Variants in FAM222B observed in about 807,000 individuals in gnomAD.
FAM222B encodes the protein protein FAM222B.
Under a neutral mutation model 38.0 loss-of-function variants are expected in FAM222B, and 12 were observed. The observed-to-expected ratio is 0.32, with a 90% CI of 0.20 to 0.51. The LOEUF (loss-of-function observed/expected upper bound fraction) is 0.51, where lower values mean the gene tolerates loss of function less well. Among genes scored for constraint, FAM222B ranks in the 20% least tolerant of loss-of-function variants. FAM222B has a pLI of 0.97. For synonymous variants in FAM222B, 329 were observed against 317.2 expected (o/e 1.04, Z -0.40); for missense variants, 716 against 754.2 (o/e 0.95, Z 0.59).
At chr17:28,798,478 C>A (rs140927278) in intron 1 of FAM222B, among the ~76,000 whole-genome samples, 23 of 152,270 alleles carry the variant, frequency 1.5e-4, no homozygotes, top group Non-Finnish European at 2.2e-4. Flanking sequence ...TCAGAGCAAT[C>A]CTCACTAAGA....
rs772351853 is a variant in FAM222B at position 28,759,611 on chromosome 17, A to G, written c.348T>C (p.Phe116=). The part of the protein sequence containing the change: ...KVPAKSILKD[F]DGTRARLLPE... ...GGAGCAACCGGGCTCGGGTGCCGTC[A>G]AAGTCCTTGAGTATGCTTTTGGCTG... is the stretch of plus-strand genomic sequence containing the variant. The change falls in exon 3 of 3, where the codon TTT becomes TTC. Residue 116 remains phenylalanine (F), a synonymous_variant. Transcript: ENST00000581407. This position sits in a 1 kb window ranked among gnomAD's most constrained non-coding sequence, Gnocchi z 4.8. 13 of 1,612,934 alleles carry G rather than the reference A, an allele frequency of 8.1e-6. No homozygotes were observed. The highest frequency in any genetic ancestry group is 1.1e-5 in the Non-Finnish European group (13 of 1,179,500).
At chr17:28,827,707 A>G (rs2038492841) in intron 1 of FAM222B, among the ~76,000 whole-genome samples, 1 of 152,190 alleles carries the variant, frequency 6.6e-6, no homozygotes, top group South Asian at 2.1e-4. Context: ...TTTGGAAGAA[A>G]TGTCCTTGGA....
At chr17:28,807,448 C>G (rs907394739) in intron 1 of FAM222B, among the ~76,000 whole-genome samples, 1 of 152,116 alleles carries the variant, frequency 6.6e-6, no homozygotes, top group African/African-American at 2.4e-5. Context: ...TGCAGTCCAA[C>G]GATCTCAGCT....
chr17:28,811,178 C>T (rs898208106), intron 1 of FAM222B, among the ~76,000 whole-genome samples: 1 of 152,194 alleles, frequency 6.6e-6, no homozygotes, highest in Non-Finnish European at 1.5e-5. Flanking sequence ...CGGTGGCTCA[C>T]GCCTGTAATC....
At chr17:28,820,123 G>A (rs1052285943) in intron 1 of FAM222B, among the ~76,000 whole-genome samples, 2 of 152,066 alleles carry the variant, frequency 1.3e-5, no homozygotes, top group Non-Finnish European at 1.5e-5. Context: ...CAATATATAC[G>A]ATCCCAGGTG....
intron 1 of FAM222B, among the ~76,000 whole-genome samples, chr17:28,769,323 C>T (rs997402700): frequency 3.3e-5 from 5 of 151,876 alleles, no homozygotes; most frequent in African/African-American, 1.2e-4. Context: ...GGACTACAGG[C>T]GCCTGCCACC....
At chr17:28,811,409 C>T (rs1267441072) in intron 1 of FAM222B, among the ~76,000 whole-genome samples, 2 of 152,164 alleles carry the variant, frequency 1.3e-5, no homozygotes, top group African/African-American at 4.8e-5. Context: ...CACTGCACTC[C>T]AGCCTGGGCA....
At chr17:28,830,161 C>CTT (rs58480451) in intron 1 of FAM222B, among the ~76,000 whole-genome samples, 10 of 101,500 alleles carry the variant, frequency 9.9e-5, no homozygotes, top group Middle Eastern at 5.5e-3. Flanking sequence ...TTTATACATT[C>CTT]TTTTTTTTTT....
At chr17:28,787,849 G>A (rs1597917649) in intron 1 of FAM222B, among the ~76,000 whole-genome samples, 1 of 86,030 alleles carries the variant, frequency 1.2e-5, no homozygotes, top group African/African-American at 5.7e-5. Context: ...TTTTTGAGAC[G>A]GAGTTTCGCT....
At chr17:28,811,103 T>A (rs1310586185) in intron 1 of FAM222B, among the ~76,000 whole-genome samples, 1 of 152,182 alleles carries the variant, frequency 6.6e-6, no homozygotes, top group Non-Finnish European at 1.5e-5. Context: ...AGCTCTTTGC[T>A]AATCAACATT....
chr17:28,759,592 A>G lies in FAM222B; in HGVS notation c.367T>C (p.Leu123=). 6.2e-7 allele frequency: 1 copy of G among 1,612,468 alleles called. No homozygotes were observed. The highest frequency in any genetic ancestry group is 8.5e-7 in the Non-Finnish European group (1 of 1,179,298). ...LKDFDGTRAR[L]LPEAIMNPPV... ...GGGTTCATGATGGCCTCAGGGAGCA[A>G]CCGGGCTCGGGTGCCGTCAAAGTCC... The change falls in exon 3 of 3, where the codon TTG becomes CTG. Residue 123 remains leucine, a synonymous_variant. Coordinates refer to ENST00000581407, the MANE Select transcript of FAM222B (RefSeq NM_001077498.3). The surrounding 1 kb of genome is among the most constrained non-coding windows in gnomAD (Gnocchi z 4.8).
chr17:28,789,552 T>C (rs1305504122), intron 1 of FAM222B, among the ~76,000 whole-genome samples: 1 of 152,154 alleles, frequency 6.6e-6, no homozygotes, highest in African/African-American at 2.4e-5. Context: ...AGTGTCCTTA[T>C]CAACTTTTAC....
Position 28,813,836 on chromosome 17 carries a change from G to A in FAM222B, c.-41+28846C>T, listed in dbSNP as rs138907408. On this transcript the variant is annotated intron_variant, in intron 1 of 2. Coordinates refer to ENST00000581407, the MANE Select transcript of FAM222B (RefSeq NM_001077498.3). Reference sequence around the variant, plus strand: ...GCTGGTATTACAGGCGTCAGCCACCGCGCCCGGCATGGAATAGGACATTTT... The same window carrying A: ...GCTGGTATTACAGGCGTCAGCCACCACGCCCGGCATGGAATAGGACATTTT... Among the ~76,000 whole-genome samples the A allele has an allele frequency of 2.5e-3, 371 of 150,008 alleles. 2 individuals are homozygous for A. The highest frequency in any genetic ancestry group is 8.2e-3 in the African/African-American group (334 of 40,932).
chr17:28,822,482 G>T (rs1270460199), intron 1 of FAM222B, among the ~76,000 whole-genome samples: 2 of 151,138 alleles, frequency 1.3e-5, no homozygotes, highest in African/African-American at 4.8e-5. Flanking sequence ...AAATTAAGCT[G>T]GGCGCAGTGG....
At chr17:28,832,286 GT>G (rs1266777310) in intron 1 of FAM222B, among the ~76,000 whole-genome samples, 2 of 152,168 alleles carry the variant, frequency 1.3e-5, no homozygotes, top group African/African-American at 4.8e-5. Context: ...AGATTCTAAA[GT>G]TTTACTTGCA....
At chr17:28,792,570 CAGG>C (rs1426653313) in intron 1 of FAM222B, among the ~76,000 whole-genome samples, 2 of 151,894 alleles carry the variant, frequency 1.3e-5, no homozygotes, top group Non-Finnish European at 2.9e-5. Flanking sequence ...CACCTGAGGT[CAGG>C]AGTTCAATAC....
At chr17:28,822,870 CATATATATATAT>C (rs147867693) in intron 1 of FAM222B, among the ~76,000 whole-genome samples, 1 of 88,100 alleles carries the variant, frequency 1.1e-5, no homozygotes, top group African/African-American at 4.5e-5. Flanking sequence ...TATATACACA[CATATATATATAT>C]ACACACACAC....
intron 1 of FAM222B, among the ~76,000 whole-genome samples, chr17:28,773,203 C>T (rs1487622459): frequency 6.6e-6 from 1 of 151,932 alleles, no homozygotes; most frequent in Non-Finnish European, 1.5e-5. Context: ...AGGGCAGGTG[C>T]GGTGGCTCAT....
At chr17:28,767,310 C>A (rs2035382426) in intron 1 of FAM222B, among the ~76,000 whole-genome samples, 2 of 152,094 alleles carry the variant, frequency 1.3e-5, no homozygotes, top group African/African-American at 4.8e-5. Context: ...CACCCGCCAC[C>A]ACGCCTGGCT....
Sources: allele counts gnomAD v4.1 joint callset (sites outside exome capture counted in the v4.1 genomes callset), GRCh38; gene constraint gnomAD v4.1.1; non-coding constraint Gnocchi (gnomAD v3.1); transcripts MANE v1.5; gene names NCBI Gene and HGNC (gene_info 2026-07-23, HGNC 2026-07-21).